Variants in GTF2H3 observed in about 807,000 individuals in gnomAD.
The protein encoded by GTF2H3 is general transcription factor IIH subunit 3.
A neutral mutation model predicts 51.1 loss-of-function variants in GTF2H3; 42 were observed. The ratio of observed to expected loss-of-function variants is 0.82; its 90% CI spans 0.64 to 1.06. GTF2H3 has a LOEUF of 1.06. Among genes scored for constraint, GTF2H3 ranks in the 50% least tolerant of loss-of-function variants. The probability of loss-of-function intolerance (pLI) is 0.00; values close to 1 mark genes in which losing one functional copy is unlikely to be tolerated. For missense variants in GTF2H3, 326 were observed against 366.1 expected, an observed-to-expected ratio of 0.89 and a Z score of 0.89; for synonymous variants, 123 against 123.8, an observed-to-expected ratio of 0.99 and a Z score of 0.04.
Position 123,648,004 on chromosome 12 carries a change from T to A in GTF2H3, c.242T>A (p.Phe81Tyr), listed in dbSNP as rs748361832. The change falls in exon 4 of 13, where the codon TTC becomes TAC. Residue 81 changes from phenylalanine to tyrosine, a missense_variant. Coordinates refer to ENST00000543341, the MANE Select transcript of GTF2H3 (RefSeq NM_001516.5). ...YPGKNGRLGD[F>Y]FGDPGNPPEF... ...GGAAAGAATGGCAGACTTGGAGACT[T>A]CTTCGGAGACCCTGGCAACCCTCCT... 6.2e-7 allele frequency: 1 copy of A among 1,613,898 alleles called. No homozygotes were observed. The highest frequency in any genetic ancestry group is 8.5e-7 in the Non-Finnish European group (1 of 1,179,814).
chr12:123,657,401 C>T (rs1030769711), intron 9 of GTF2H3, among the ~76,000 whole-genome samples: 1 of 152,224 alleles, frequency 6.6e-6, no homozygotes, highest in Non-Finnish European at 1.5e-5. Context: ...CCCCACCGCC[C>T]CCTTGCTATT....
intron 9 of GTF2H3, among the ~76,000 whole-genome samples, chr12:123,656,642 T>C (rs2135799371): frequency 6.6e-6 from 1 of 152,292 alleles, no homozygotes; most frequent in Admixed American, 6.5e-5. Flanking sequence ...TCTTGGTTTG[T>C]CCTCTCAGCC....
intron 1 of GTF2H3, among the ~76,000 whole-genome samples, chr12:123,636,194 G>T (rs1955280611): frequency 6.6e-6 from 1 of 152,184 alleles, no homozygotes; most frequent in Non-Finnish European, 1.5e-5. Flanking sequence ...TATAATTGAT[G>T]AAAAATGGCA....
At chr12:123,637,014 G>A (rs1955294227) in intron 1 of GTF2H3, among the ~76,000 whole-genome samples, 1 of 152,164 alleles carries the variant, frequency 6.6e-6, no homozygotes, top group African/African-American at 2.4e-5. Flanking sequence ...GAGCCCAGGA[G>A]GTCAAGGCTG....
At chr12:123,644,147 A>G (rs1955415436) in intron 2 of GTF2H3, among the ~76,000 whole-genome samples, 1 of 152,030 alleles carries the variant, frequency 6.6e-6, no homozygotes, top group Non-Finnish European at 1.5e-5. Context: ...TTTCTACCTG[A>G]AGTATTTATT....
chr12:123,640,225 T>TA (rs1345300968), intron 2 of GTF2H3, among the ~76,000 whole-genome samples: 1 of 152,148 alleles, frequency 6.6e-6, no homozygotes, highest in Non-Finnish European at 1.5e-5. Context: ...TGCCTGTCTG[T>TA]ACTCCCAGGC....
Position 123,650,987 on chromosome 12 carries a change from T to C in GTF2H3, c.365-7T>C, listed in dbSNP as rs766872892. 1.2e-6 allele frequency: 2 copies of C among 1,605,928 alleles called. No individual in the cohort carries two copies. The highest frequency in any genetic ancestry group is 1.7e-6 in the Non-Finnish European group (2 of 1,172,624). ...AATTCCCTTTTAATGTTTTCTGTTATTTGCAGGTGACATAAAGGGTCAACA... is the reference window on the plus strand; with the variant it reads ...AATTCCCTTTTAATGTTTTCTGTTACTTGCAGGTGACATAAAGGGTCAACA... On this transcript the variant is annotated splice_region_variant and splice_polypyrimidine_tract_variant and intron_variant, in intron 4 of 12. Coordinates refer to ENST00000543341, the MANE Select transcript of GTF2H3 (RefSeq NM_001516.5).
At chr12:123,647,517 C>T (rs1955465343) in intron 3 of GTF2H3, among the ~76,000 whole-genome samples, 1 of 151,370 alleles carries the variant, frequency 6.6e-6, no homozygotes, top group East Asian at 1.9e-4. Flanking sequence ...TTTTCAGGGA[C>T]CTTTGGGCCA....
At chr12:123,646,732 A>G (rs1955451154) in intron 3 of GTF2H3, among the ~76,000 whole-genome samples, 1 of 150,904 alleles carries the variant, frequency 6.6e-6, no homozygotes, top group Non-Finnish European at 1.5e-5. Context: ...CTCGCTGCAT[A>G]TTTTTTCTCA....
chr12:123,657,019 C>A (rs147864359), intron 9 of GTF2H3, among the ~76,000 whole-genome samples: 9 of 152,036 alleles, frequency 5.9e-5, no homozygotes, highest in Admixed American at 5.9e-4. Flanking sequence ...GCCAGGAGTT[C>A]GAAGCTGCAG....
At chr12:123,647,550 A>G (rs1239005351) in intron 3 of GTF2H3, among the ~76,000 whole-genome samples, 1 of 152,090 alleles carries the variant, frequency 6.6e-6, no homozygotes, top group Non-Finnish European at 1.5e-5. Flanking sequence ...TGGGATAGAT[A>G]TGTACCTCAA....
At chr12:123,652,172 A>G (rs1955528871) in intron 5 of GTF2H3, among the ~76,000 whole-genome samples, 1 of 152,128 alleles carries the variant, frequency 6.6e-6, no homozygotes, top group Non-Finnish European at 1.5e-5. Context: ...GGCAGTATTG[A>G]GTGATTATTT....
At chr12:123,636,700 C>G (rs542614111) in intron 1 of GTF2H3, among the ~76,000 whole-genome samples, 5 of 152,252 alleles carry the variant, frequency 3.3e-5, no homozygotes, top group African/African-American at 1.2e-4. Context: ...GGCAGATCAC[C>G]TGAGGTCGGG....
At chr12:123,646,101 A>G (rs1955443100) in intron 3 of GTF2H3, among the ~76,000 whole-genome samples, 1 of 152,038 alleles carries the variant, frequency 6.6e-6, no homozygotes. Context: ...GCTGTGTTAG[A>G]CTCACTGCAA....
chr12:123,659,637 T>C, intron 10 of GTF2H3, 53 bp downstream of exon 10: 1 of 1,566,668 alleles, frequency 6.4e-7, no homozygotes, highest in African/African-American at 1.4e-5. Context: ...ATGACCTCTG[T>C]GTCCTGGGAA....
intron 1 of GTF2H3, among the ~76,000 whole-genome samples, chr12:123,634,204 G>A (rs1278171325): frequency 6.6e-6 from 1 of 152,202 alleles, no homozygotes. Context: ...ACTTTGGGAG[G>A]CCGAGGAGGG....
intron 2 of GTF2H3, among the ~76,000 whole-genome samples, chr12:123,644,511 C>T (rs1437235130): frequency 6.6e-6 from 1 of 151,882 alleles, no homozygotes; most frequent in East Asian, 1.9e-4. Context: ...ACTAAAAATA[C>T]AAAAATTAGC....
intron 1 of GTF2H3, among the ~76,000 whole-genome samples, chr12:123,635,429 C>T (rs545172017): frequency 3.7e-4 from 57 of 152,050 alleles, no homozygotes; most frequent in Non-Finnish European, 6.0e-4. Context: ...AAAAATTAAC[C>T]GGACAAGGTG....
chr12:123,648,266 G>A, intron 4 of GTF2H3, 140 bp downstream of exon 4: 1 of 593,232 alleles, frequency 1.7e-6, no homozygotes, highest in South Asian at 2.4e-5. Context: ...CGTCAAAGTT[G>A]GTTCATTATT....
Sources: allele counts gnomAD v4.1 joint callset (sites outside exome capture counted in the v4.1 genomes callset), GRCh38; gene constraint gnomAD v4.1.1; transcripts MANE v1.5; gene names NCBI Gene and HGNC (gene_info 2026-07-23, HGNC 2026-07-21).